The following DLGAP2 variants were observed in gnomAD, a reference collection of about 807,000 sequenced individuals.
DLGAP2 encodes the protein DLG associated protein 2, also known as disks large-associated protein 2.
Under a neutral mutation model 100.3 loss-of-function variants are expected in DLGAP2, and 26 were observed. That is an observed-to-expected ratio of 0.26 (90% CI 0.19 to 0.36). The LOEUF is 0.36. DLGAP2 is among the 10% of genes least tolerant of loss of function. The probability of loss-of-function intolerance (pLI) is 1.00; values close to 1 mark genes in which losing one functional copy is unlikely to be tolerated. For missense variants in DLGAP2, 1,858 were observed against 1,453.2 expected (o/e 1.28, Z -4.53); for synonymous variants, 886 against 630.1 (o/e 1.41, Z -6.08).
rs556879686 is a variant in DLGAP2 at position 1,173,781 on chromosome 8, T to C, written c.74-85070T>C. 3.3e-5 allele frequency among the ~76,000 whole-genome samples: 5 copies of C among 152,292 alleles called. No individual in the cohort carries two copies. In the South Asian group the frequency reaches 6.2e-4, roughly 19 times the overall value. On this transcript the variant is annotated intron_variant, in intron 2 of 14. Coordinates refer to ENST00000637795, the MANE Select transcript of DLGAP2 (RefSeq NM_001346810.2). ...GTGACCCGATTTTCCAGGTGCCGTC[T>C]GTCACCCCTTTCTTTGACTAGGAAA...
chr8:1,162,582 G>C (rs1796913058), intron 2 of DLGAP2, among the ~76,000 whole-genome samples: 1 of 152,214 alleles, frequency 6.6e-6, no homozygotes, highest in African/African-American at 2.4e-5. Flanking sequence ...ATGACATTCA[G>C]AATAAATGAT....
chr8:881,682 C>CACACTT (rs1563077104), intron 1 of DLGAP2, among the ~76,000 whole-genome samples: 1 of 51,824 alleles, frequency 1.9e-5, no homozygotes, highest in Non-Finnish European at 5.3e-5. Flanking sequence ...CACACACACA[C>CACACTT]TTTTTTTTTT....
At chr8:1,507,733 A>G (rs892078482) in intron 4 of DLGAP2, among the ~76,000 whole-genome samples, 2 of 141,678 alleles carry the variant, frequency 1.4e-5, no homozygotes, top group African/African-American at 5.9e-5. Context: ...TCTCCCAGGC[A>G]TTCGTTCACC....
intron 3 of DLGAP2, among the ~76,000 whole-genome samples, chr8:1,282,813 G>A (rs1799843022): frequency 2.4e-5 from 2 of 82,838 alleles, no homozygotes; most frequent in African/African-American, 6.0e-5. Flanking sequence ...TGAACCATCT[G>A]GACATGGTGT....
intron 5 of DLGAP2, among the ~76,000 whole-genome samples, chr8:1,551,305 C>G (rs1288470355): frequency 2.6e-5 from 4 of 152,176 alleles, no homozygotes; most frequent in Non-Finnish European, 5.9e-5. Flanking sequence ...TGATCTGTCT[C>G]CTCATTGTCA....
intron 4 of DLGAP2, among the ~76,000 whole-genome samples, chr8:1,528,851 T>C (rs1800885045): frequency 6.6e-6 from 1 of 152,196 alleles, no homozygotes; most frequent in South Asian, 2.1e-4. Flanking sequence ...AAACAAATGC[T>C]TGATTTCCTA....
chr8:1,284,073 C>T (rs1006006621), intron 3 of DLGAP2, among the ~76,000 whole-genome samples: 6 of 152,274 alleles, frequency 3.9e-5, no homozygotes, highest in Admixed American at 2.6e-4. Flanking sequence ...AGGAAAAGTT[C>T]TTTCAAAATT....
chr8:1,638,337 C>T (rs148497649), intron 8 of DLGAP2, among the ~76,000 whole-genome samples: 63 of 152,226 alleles, frequency 4.1e-4, no homozygotes, highest in African/African-American at 1.5e-3. Context: ...GATGAGGACA[C>T]AGACATGCAG....
intron 2 of DLGAP2, among the ~76,000 whole-genome samples, chr8:908,877 A>G (rs1486603921): frequency 6.6e-6 from 1 of 152,216 alleles, no homozygotes; most frequent in Non-Finnish European, 1.5e-5. Context: ...CTTGTTTTCT[A>G]GCTATAACAA....
intron 6 of DLGAP2, among the ~76,000 whole-genome samples, chr8:1,591,512 TC>T: frequency 6.7e-6 from 1 of 148,228 alleles, no homozygotes; most frequent in South Asian, 2.1e-4. Flanking sequence ...TGGCTCAGCC[TC>T]CCCTTTCCTG....
At chr8:854,653 CTGTG>C (rs1330992805) in intron 1 of DLGAP2, among the ~76,000 whole-genome samples, 6 of 152,258 alleles carry the variant, frequency 3.9e-5, no homozygotes, top group Admixed American at 1.3e-4. Context: ...GTGCATGTGT[CTGTG>C]TGTGTTCACA....
chr8:1,583,687 T>A (rs569655719), intron 6 of DLGAP2, among the ~76,000 whole-genome samples: 16 of 152,272 alleles, frequency 1.1e-4, no homozygotes, highest in African/African-American at 3.4e-4. Context: ...ATCTGGGCTC[T>A]CACAGCTTCC....
intron 2 of DLGAP2, among the ~76,000 whole-genome samples, chr8:1,202,391 A>T (rs77578429): frequency 6.6e-6 from 1 of 151,962 alleles, no homozygotes; most frequent in South Asian, 2.1e-4. Flanking sequence ...GTGGACGTCC[A>T]TGCTGTTGTG....
intron 10 of DLGAP2, among the ~76,000 whole-genome samples, chr8:1,674,657 A>G (rs1798768008): frequency 6.6e-6 from 1 of 152,228 alleles, no homozygotes; most frequent in African/African-American, 2.4e-5. Context: ...CAAAATTATA[A>G]AGTGCAAATA....
chr8:1,577,569 A>G, intron 6 of DLGAP2, among the ~76,000 whole-genome samples: 1 of 56,992 alleles, frequency 1.8e-5, no homozygotes, highest in South Asian at 5.4e-4. Context: ...CTCTCTCTCA[A>G]AAAAAAAAAA....
intron 2 of DLGAP2, among the ~76,000 whole-genome samples, chr8:914,815 C>G (rs148226826): frequency 1.0e-3 from 157 of 152,288 alleles, no homozygotes; most frequent in African/African-American, 3.6e-3. Context: ...GTGTGTGATA[C>G]TCCTGTTTTA....
intron 6 of DLGAP2, chr8:1,604,579 T>C (rs1796733475): frequency 6.6e-6 from 1 of 152,318 alleles, no homozygotes; most frequent in South Asian, 2.1e-4. Flanking sequence ...CTATATTACA[T>C]GCAAGCACAC....
At chr8:1,066,334 G>C (rs1346833512) in intron 2 of DLGAP2, among the ~76,000 whole-genome samples, 1 of 151,050 alleles carries the variant, frequency 6.6e-6, no homozygotes, top group African/African-American at 2.4e-5. Context: ...GTCTGAGCGA[G>C]GGCAGCTCCT....
At chr8:1,382,049 C>T (rs866327765) in intron 3 of DLGAP2, among the ~76,000 whole-genome samples, 2 of 152,052 alleles carry the variant, frequency 1.3e-5, no homozygotes, top group Non-Finnish European at 2.9e-5. Flanking sequence ...GTAGCAACCC[C>T]CTCATGCAGT....
Sources: allele counts gnomAD v4.1 joint callset (sites outside exome capture counted in the v4.1 genomes callset), GRCh38; gene constraint gnomAD v4.1.1; transcripts MANE v1.5; gene names NCBI Gene and HGNC (gene_info 2026-07-23, HGNC 2026-07-21).